The following LIPA variants were observed in gnomAD, a reference collection of about 807,000 sequenced individuals.
The protein encoded by LIPA is lysosomal acid lipase/cholesteryl ester hydrolase.
A neutral mutation model predicts 40.6 loss-of-function variants in LIPA; 26 were observed. The observed-to-expected ratio is 0.64, with a 90% CI of 0.47 to 0.89. LIPA has a LOEUF of 0.89. Ranked by LOEUF, LIPA falls within the 40% of genes least tolerant of loss-of-function variation. The probability of loss-of-function intolerance (pLI) is 0.00; values close to 1 mark genes in which losing one functional copy is unlikely to be tolerated. For synonymous variants in LIPA, 188 were observed against 168.4 expected, an observed-to-expected ratio of 1.12 and a Z score of -0.90; for missense variants, 455 against 479.6, an observed-to-expected ratio of 0.95 and a Z score of 0.48.
At chr10:89,295,684 T>C (rs1011608932) in intron 1 of LIPA, among the ~76,000 whole-genome samples, 2 of 152,344 alleles carry the variant, frequency 1.3e-5, no homozygotes, top group South Asian at 2.1e-4. Flanking sequence ...CTATATTCTA[T>C]ATAAATGAAA....
At chr10:89,382,405 A>T (rs563326161) in intron 2 of LIPA, among the ~76,000 whole-genome samples, 1 of 152,192 alleles carries the variant, frequency 6.6e-6, no homozygotes, top group Admixed American at 6.5e-5. Flanking sequence ...TCATGTTCTT[A>T]TAGGGAGACT....
chr10:89,398,429 G>A (rs905589565), intron 2 of LIPA, among the ~76,000 whole-genome samples: 11 of 152,142 alleles, frequency 7.2e-5, no homozygotes, highest in African/African-American at 9.7e-5. Context: ...CCAGCTTCTC[G>A]GGGATGTTCT....
chr10:89,314,049 C>G (rs1483530798), intron 1 of LIPA, among the ~76,000 whole-genome samples: 1 of 152,144 alleles, frequency 6.6e-6, no homozygotes, highest in Non-Finnish European at 1.5e-5. Context: ...AAAATGGGCA[C>G]TCTTATTCCA....
upstream of LIPA, chr10:89,414,630 C>G: frequency 3.4e-6 from 2 of 583,592 alleles, no homozygotes; most frequent in Non-Finnish European, 5.6e-6. Context: ...GGGCTGGGGT[C>G]TCTCCTTTAA....
At chr10:89,293,901 G>A (rs927405462) in intron 1 of LIPA, among the ~76,000 whole-genome samples, 1 of 152,148 alleles carries the variant, frequency 6.6e-6, no homozygotes, top group Non-Finnish European at 1.5e-5. Flanking sequence ...TGGGAAAGGA[G>A]TTGGGAACTC....
intron 3 of LIPA, among the ~76,000 whole-genome samples, chr10:89,244,753 A>T (rs1843003640): frequency 6.6e-6 from 1 of 152,174 alleles, no homozygotes; most frequent in Non-Finnish European, 1.5e-5. Context: ...GAAAAAAGAT[A>T]TACATATATA....
chr10:89,311,535 A>C (rs1314802409), intron 1 of LIPA, among the ~76,000 whole-genome samples: 1 of 151,604 alleles, frequency 6.6e-6, no homozygotes, highest in African/African-American at 2.4e-5. Context: ...AAAAAAAAAA[A>C]AAAAAAAAAA....
chr10:89,348,704 T>TA (rs1478453814), intron 2 of LIPA, among the ~76,000 whole-genome samples: 1 of 152,236 alleles, frequency 6.6e-6, no homozygotes, highest in Non-Finnish European at 1.5e-5. Flanking sequence ...TAAGCTATTA[T>TA]TACCTTCTTG....
In LIPA at chr10:89,403,497, A is replaced by T. The variant is rs766802096; in HGVS notation, c.61+9294T>A. 2.5e-6 allele frequency: 4 copies of T among 1,612,224 alleles called. No individual in the cohort carries two copies. In the East Asian group the frequency reaches 8.9e-5, roughly 36 times the overall value. On this transcript the variant is annotated intron_variant, in intron 2 of 8. Coordinates refer to the LIPA transcript ENST00000371837. ...TATCCATTATTTAAAAGCTATAAAA[A>T]TAGAACAGGCATCATTAACAAGGGA...
chr10:89,280,444 C>T (rs568756107), intron 1 of LIPA, among the ~76,000 whole-genome samples: 2 of 152,300 alleles, frequency 1.3e-5, no homozygotes, highest in East Asian at 1.9e-4. Flanking sequence ...CCCACTGCCT[C>T]GCCTGGCGTT....
chr10:89,272,368 G>A (rs1465517103), intron 1 of LIPA, among the ~76,000 whole-genome samples: 1 of 152,040 alleles, frequency 6.6e-6, no homozygotes, highest in Admixed American at 6.5e-5. Flanking sequence ...CTGTTCCTGT[G>A]TTAGTTTGCT....
chr10:89,310,650 T>G (rs1031333212), intron 1 of LIPA, among the ~76,000 whole-genome samples: 2 of 152,208 alleles, frequency 1.3e-5, no homozygotes, highest in Non-Finnish European at 2.9e-5. Flanking sequence ...CCTAGGTGCA[T>G]GCACTTGTAA....
intron 7 of LIPA, among the ~76,000 whole-genome samples, chr10:89,222,910 G>C (rs1263963672): frequency 6.6e-6 from 1 of 152,032 alleles, no homozygotes; most frequent in African/African-American, 2.4e-5. Context: ...TTAATTATCA[G>C]ACAAAAGAAA....
chr10:89,266,568 G>C (rs1053100291), intron 1 of LIPA, among the ~76,000 whole-genome samples: 1 of 152,194 alleles, frequency 6.6e-6, no homozygotes, highest in Admixed American at 6.5e-5. Flanking sequence ...GAAATATTAT[G>C]TATATGCAAA....
At chr10:89,396,378 G>T (rs1844342914) in intron 2 of LIPA, among the ~76,000 whole-genome samples, 1 of 152,186 alleles carries the variant, frequency 6.6e-6, no homozygotes, top group Admixed American at 6.5e-5. Flanking sequence ...GTATGGTGCT[G>T]GCATCTTCTC....
At chr10:89,256,639 G>A (rs143010347), upstream of LIPA, among the ~76,000 whole-genome samples, 6 of 152,190 alleles carry the variant, frequency 3.9e-5, no homozygotes, top group East Asian at 1.9e-4. Context: ...AAGCCTCAGC[G>A]TCTTCACTTG....
intron 2 of LIPA, chr10:89,384,499 G>T (rs774599042): frequency 6.2e-7 from 1 of 1,614,028 alleles, no homozygotes; most frequent in East Asian, 2.2e-5. Context: ...GAAATCTCAA[G>T]ATAAAGCAAT....
chr10:89,403,863 C>G, intron 2 of LIPA: 1 of 575,668 alleles, frequency 1.7e-6, no homozygotes, highest in South Asian at 2.5e-5. Context: ...TAGTTGTGTT[C>G]AACAATTAGT....
At chr10:89,310,040 A>C (rs1296692234) in intron 1 of LIPA, among the ~76,000 whole-genome samples, 3 of 152,178 alleles carry the variant, frequency 2.0e-5, no homozygotes, top group Non-Finnish European at 4.4e-5. Context: ...ATTGCCCCTA[A>C]AACTGCCTTC....
Sources: allele counts gnomAD v4.1 joint callset (sites outside exome capture counted in the v4.1 genomes callset), GRCh38; gene constraint gnomAD v4.1.1; transcripts MANE v1.5; gene names NCBI Gene and HGNC (gene_info 2026-07-23, HGNC 2026-07-21).